The following SMIM35 variants were observed in gnomAD, a reference collection of about 807,000 sequenced individuals.
SMIM35 encodes the protein TMPRSS4 antisense RNA 1 (non-protein coding).
intron 1 of SMIM35, among the ~76,000 whole-genome samples, chr11:118,053,537 C>T (rs1252331746): frequency 6.6e-6 from 1 of 152,160 alleles, no homozygotes. Context: ...TTCAACTCCT[C>T]CAAACAGCAG....
intron 1 of SMIM35, among the ~76,000 whole-genome samples, chr11:118,063,671 G>A (rs1053765100): frequency 2.6e-4 from 40 of 152,198 alleles, no homozygotes; most frequent in African/African-American, 7.2e-5. Flanking sequence ...AAACTTAGGG[G>A]AGGGGAGAGG....
At chr11:118,016,972 C>A (rs1445239587) in intron 1 of SMIM35, among the ~76,000 whole-genome samples, 2 of 152,158 alleles carry the variant, frequency 1.3e-5, no homozygotes, top group East Asian at 1.9e-4. Flanking sequence ...TCCTTCCTCT[C>A]ACTAGCAACC....
chr11:118,067,949 CAG>C (rs1944508981), intron 1 of SMIM35, among the ~76,000 whole-genome samples: 1 of 145,450 alleles, frequency 6.9e-6, no homozygotes, highest in Non-Finnish European at 1.5e-5. Context: ...AAGAAATACA[CAG>C]AAATAGAAGT....
intron 1 of SMIM35, among the ~76,000 whole-genome samples, chr11:118,047,546 G>T (rs997363576): frequency 6.6e-6 from 1 of 152,160 alleles, no homozygotes; most frequent in Non-Finnish European, 1.5e-5. Context: ...AGCAGGCATG[G>T]GCAATACACC....
Position 118,027,016 on chromosome 11 carries a change from C to CTTTT in SMIM35, c.8-11211_8-11208dup, listed in dbSNP as rs60864416. On this transcript the variant is annotated intron_variant, in intron 1 of 4. Transcript: ENST00000689828. The stretch of plus-strand genomic sequence containing the variant: ...ATTTTTTAAAAATCCACCACCACCA[C>CTTTT]TTTTTTTTTTTTTTTTTTTTTTGAG... Among the ~76,000 whole-genome samples the CTTTT allele has an allele frequency of 1.2e-3, 115 of 93,248 alleles. 4 individuals are homozygous for CTTTT. The highest frequency in any genetic ancestry group is 1.8e-3 in the Non-Finnish European group (90 of 50,558). 61.2% of individuals were successfully genotyped at this position (93,248 alleles called of 152,430 possible).
intron 1 of SMIM35, among the ~76,000 whole-genome samples, chr11:118,064,551 T>C (rs899015639): frequency 6.6e-6 from 1 of 152,230 alleles, no homozygotes; most frequent in African/African-American, 2.4e-5. Flanking sequence ...CCTGAGTAGC[T>C]GGGACTACAG....
Position 118,060,135 on chromosome 11 carries a change from G to A in SMIM35, c.7+26616C>T, listed in dbSNP as rs7123136. Among the ~76,000 whole-genome samples the A allele has an allele frequency of 9.2e-3, 1,395 of 152,176 alleles. 17 individuals carry two copies. Among genetic ancestry groups the A allele is most frequent in the African/African-American group, 0.031 (1,283 of 41,498 alleles). ...CCCTTTATCAAAACCCAATTCCCGC[G>A]CTCTAGGGGCTCCCTCAAGCCGTAT... On this transcript the variant is annotated intron_variant, in intron 1 of 4. Coordinates refer to ENST00000689828, the MANE Select transcript of SMIM35 (RefSeq NM_001394165.1).
At chr11:118,029,182 GC>G (rs1396282587) in intron 1 of SMIM35, among the ~76,000 whole-genome samples, 2 of 152,144 alleles carry the variant, frequency 1.3e-5, no homozygotes, top group Non-Finnish European at 2.9e-5. Context: ...TACTCAAGAG[GC>G]CAGGGCAGTG....
intron 1 of SMIM35, among the ~76,000 whole-genome samples, chr11:118,051,185 T>A (rs1944207271): frequency 6.6e-6 from 1 of 152,224 alleles, no homozygotes; most frequent in African/African-American, 2.4e-5. Flanking sequence ...TATCCAGTTT[T>A]GTACAGACGA....
intron 1 of SMIM35, among the ~76,000 whole-genome samples, chr11:118,030,899 G>T (rs1046131809): frequency 8.6e-5 from 13 of 152,016 alleles, no homozygotes; most frequent in African/African-American, 2.9e-4. Context: ...CAAAAAGAAA[G>T]GCCATGATGG....
At chr11:118,013,642 C>T (rs1303861399) in intron 4 of SMIM35, 106 bp downstream of exon 4, 1 of 394,024 alleles carries the variant, frequency 2.5e-6, no homozygotes, top group Non-Finnish European at 4.5e-6. Context: ...CAAATAATCT[C>T]TTTGGGTTCC....
intron 1 of SMIM35, among the ~76,000 whole-genome samples, chr11:118,040,355 C>T (rs1943981138): frequency 6.6e-6 from 1 of 152,080 alleles, no homozygotes; most frequent in Non-Finnish European, 1.5e-5. Flanking sequence ...TTGAAGGCAG[C>T]AAGAGAAAAA....
At chr11:118,051,230 A>G (rs1269107518) in intron 1 of SMIM35, among the ~76,000 whole-genome samples, 1 of 152,206 alleles carries the variant, frequency 6.6e-6, no homozygotes, top group Non-Finnish European at 1.5e-5. Flanking sequence ...TGGATTTATA[A>G]CAAAGGCTGA....
intron 1 of SMIM35, chr11:118,029,748 C>G (rs1171828611): frequency 2.2e-6 from 1 of 457,330 alleles, no homozygotes; most frequent in African/African-American, 2.0e-5. Flanking sequence ...CAGCACCAGA[C>G]TGCCAAAGCC....
intron 1 of SMIM35, among the ~76,000 whole-genome samples, chr11:118,073,115 G>A (rs1406438648): frequency 1.3e-5 from 2 of 152,076 alleles, no homozygotes; most frequent in Admixed American, 6.5e-5. Context: ...GAGTAGTTTG[G>A]TATTTTTAAT....
chr11:118,074,103 T>C (rs904140341), intron 1 of SMIM35, among the ~76,000 whole-genome samples: 1 of 152,084 alleles, frequency 6.6e-6, no homozygotes, highest in Non-Finnish European at 1.5e-5. Flanking sequence ...AAAAAGCACG[T>C]CAAAGAAATA....
chr11:118,022,538 A>C (rs2058239317), intron 1 of SMIM35, among the ~76,000 whole-genome samples: 1 of 152,224 alleles, frequency 6.6e-6, no homozygotes, highest in Admixed American at 6.5e-5. Context: ...TCACAAGGGA[A>C]ATTAGAAAAT....
At position 118,074,748 on chromosome 11, in the gene SMIM35, G is replaced by GAA. The variant is rs55685115; in HGVS notation, c.7+12001_7+12002dup. 6.6e-5 allele frequency among the ~76,000 whole-genome samples: 9 copies of GAA among 135,644 alleles called. No individual in the cohort carries two copies. The East Asian group carries it at 1.8e-3, about 27-fold the overall frequency. 89.0% of individuals were successfully genotyped at this position (135,644 alleles called of 152,430 possible). On this transcript the variant is annotated intron_variant, in intron 1 of 4. Transcript: ENST00000689828. ...GGCAACAGAGGGGGACCCTGTCTCAGAAAAAAAAAAAAAAAAAGAATGTGG... is the reference window on the plus strand; with the variant it reads ...GGCAACAGAGGGGGACCCTGTCTCAGAAAAAAAAAAAAAAAAAAAGAATGTGG...
intron 1 of SMIM35, among the ~76,000 whole-genome samples, chr11:118,083,170 C>T (rs1015171829): frequency 6.6e-5 from 10 of 152,250 alleles, no homozygotes; most frequent in African/African-American, 2.4e-4. Context: ...GCTCACACAT[C>T]TGTTTCTAGA....
Sources: allele counts gnomAD v4.1 joint callset (sites outside exome capture counted in the v4.1 genomes callset), GRCh38; gene constraint gnomAD v4.1.1; transcripts MANE v1.5; gene names NCBI Gene and HGNC (gene_info 2026-07-23, HGNC 2026-07-21).